Variants in MAP7 observed in about 807,000 individuals in gnomAD.
MAP7 encodes the protein microtubule associated protein 7, also known as ensconsin.
In MAP7, 52 loss-of-function variants were observed where a neutral mutation model predicts 94.8. The observed-to-expected ratio is 0.55, with a 90% CI of 0.44 to 0.69. The LOEUF is 0.69. Ranked by LOEUF, MAP7 falls within the 30% of genes least tolerant of loss-of-function variation. MAP7 has a pLI of 0.00. For missense variants in MAP7, 940 were observed against 964.6 expected (o/e 0.97, Z 0.34); for synonymous variants, 350 against 357.0 (o/e 0.98, Z 0.22).
chr6:136,545,583 G>A (rs926457541), intron 1 of MAP7: 3 of 152,140 alleles, frequency 2.0e-5, no homozygotes, highest in African/African-American at 7.2e-5. Context: ...TGACTTCGAT[G>A]AACAATCATT....
At chr6:136,454,938 C>G (rs1802416511) in intron 1 of MAP7, among the ~76,000 whole-genome samples, 1 of 151,916 alleles carries the variant, frequency 6.6e-6, no homozygotes, top group South Asian at 2.1e-4. Flanking sequence ...ACCTTTCATC[C>G]AAAGGACTAC....
At chr6:136,443,811 A>C (rs1311736548) in intron 1 of MAP7, among the ~76,000 whole-genome samples, 4 of 152,140 alleles carry the variant, frequency 2.6e-5, no homozygotes, top group Non-Finnish European at 5.9e-5. Flanking sequence ...CTTATTGTTA[A>C]GGGGGCTAAA....
chr6:136,407,838 C>G (rs765755873), intron 3 of MAP7, among the ~76,000 whole-genome samples: 8 of 152,108 alleles, frequency 5.3e-5, no homozygotes, highest in Non-Finnish European at 7.3e-5. Context: ...CCTAGGGTCT[C>G]TAGCAGAAGC....
At position 136,343,967 on chromosome 6, in the gene MAP7, G is replaced by A. The variant is rs776829312; in HGVS notation, c.*261C>T. 7 of 256,250 alleles carry A rather than the reference G, an allele frequency of 2.7e-5. No individual in the cohort carries two copies. The highest frequency in any genetic ancestry group is 4.4e-5 in the Non-Finnish European group (6 of 136,086). The allele number at this position is 256,250 out of a possible 1,614,324, so 15.9% of individuals were successfully genotyped here. Reference sequence around the variant, plus strand: ...CTTTTAAAGAATGCAGAAAAATATTGATTGCTAAGAAGGAGCACACTGGAA... The same window carrying A: ...CTTTTAAAGAATGCAGAAAAATATTAATTGCTAAGAAGGAGCACACTGGAA... On this transcript the variant is annotated 3_prime_UTR_variant, in exon 18 of 18. Coordinates refer to ENST00000354570, the MANE Select transcript of MAP7 (RefSeq NM_003980.6).
intron 1 of MAP7, among the ~76,000 whole-genome samples, chr6:136,433,780 G>T (rs1012199538): frequency 1.3e-5 from 2 of 152,132 alleles, no homozygotes; most frequent in Non-Finnish European, 2.9e-5. Context: ...CACCTTCTCT[G>T]GATAGGCAAT....
intron 1 of MAP7, among the ~76,000 whole-genome samples, chr6:136,475,288 T>C (rs764675266): frequency 6.6e-6 from 1 of 152,242 alleles, no homozygotes; most frequent in Non-Finnish European, 1.5e-5. Flanking sequence ...TGAGTTATTA[T>C]CTAAATGTAT....
At chr6:136,396,736 T>C (rs1482350072) in intron 3 of MAP7, among the ~76,000 whole-genome samples, 1 of 152,188 alleles carries the variant, frequency 6.6e-6, no homozygotes, top group Non-Finnish European at 1.5e-5. Flanking sequence ...CTCAGTTTTG[T>C]CAGGTCAAGG....
chr6:136,376,346 A>G (rs1173527397), intron 7 of MAP7, among the ~76,000 whole-genome samples: 1 of 151,562 alleles, frequency 6.6e-6, no homozygotes, highest in Admixed American at 6.6e-5. Flanking sequence ...CGATCTGCCC[A>G]CCTCGGCCTC....
chr6:136,525,077 G>T (rs1827447943), intron 1 of MAP7, among the ~76,000 whole-genome samples: 1 of 152,188 alleles, frequency 6.6e-6, no homozygotes, highest in African/African-American at 2.4e-5. Context: ...ACAGCCCTGG[G>T]AGGGCAGCTG....
chr6:136,524,983 CTT>C (rs1827423874), intron 1 of MAP7, among the ~76,000 whole-genome samples: 1 of 152,168 alleles, frequency 6.6e-6, no homozygotes, highest in South Asian at 2.1e-4. Context: ...GGAAGCAAGA[CTT>C]AGGATGCTGG....
intron 1 of MAP7, among the ~76,000 whole-genome samples, chr6:136,442,558 G>A (rs1023725090): frequency 4.6e-5 from 7 of 152,080 alleles, no homozygotes; most frequent in South Asian, 2.1e-4. Flanking sequence ...ACCCAGACCC[G>A]CTGAGCTGCA....
intron 1 of MAP7, among the ~76,000 whole-genome samples, chr6:136,440,919 A>T (rs1018572552): frequency 1.3e-5 from 2 of 151,718 alleles, no homozygotes; most frequent in East Asian, 1.9e-4. Context: ...ACTGTTTTAC[A>T]CTCCACATAA....
intron 1 of MAP7, among the ~76,000 whole-genome samples, chr6:136,540,069 T>A (rs1025906167): frequency 6.6e-6 from 1 of 152,088 alleles, no homozygotes; most frequent in African/African-American, 2.4e-5. Context: ...AGTTGAATAA[T>A]CCTGCTGAGA....
chr6:136,465,134 A>AC (rs2128923441), intron 1 of MAP7, among the ~76,000 whole-genome samples: 1 of 152,240 alleles, frequency 6.6e-6, no homozygotes, highest in Admixed American at 6.5e-5. Flanking sequence ...CTCCCCCTGC[A>AC]CCTCCACTGA....
At chr6:136,375,594 G>C (rs919245690) in intron 7 of MAP7, among the ~76,000 whole-genome samples, 1 of 152,170 alleles carries the variant, frequency 6.6e-6, no homozygotes, top group Admixed American at 6.5e-5. Flanking sequence ...ATGTGGTTTT[G>C]ACAAGATAAT....
chr6:136,391,930 C>T (rs907986158), intron 3 of MAP7, among the ~76,000 whole-genome samples: 9 of 152,200 alleles, frequency 5.9e-5, no homozygotes, highest in African/African-American at 2.2e-4. Context: ...TAAATTTTGA[C>T]AGTGATAGCT....
At chr6:136,529,583 G>T (rs1828308083) in intron 1 of MAP7, among the ~76,000 whole-genome samples, 1 of 152,172 alleles carries the variant, frequency 6.6e-6, no homozygotes, top group Admixed American at 6.5e-5. Context: ...TCTTTAAATT[G>T]TTAAAGTGAT....
chr6:136,350,406 G>A (rs1054580699), intron 16 of MAP7, among the ~76,000 whole-genome samples: 1 of 152,240 alleles, frequency 6.6e-6, no homozygotes, highest in Non-Finnish European at 1.5e-5. Flanking sequence ...GAAACTAGGA[G>A]TGAAAGGAAA....
intron 1 of MAP7, among the ~76,000 whole-genome samples, chr6:136,473,890 C>G (rs12191377): frequency 1.3e-5 from 2 of 151,858 alleles, no homozygotes; most frequent in African/African-American, 2.4e-5. Context: ...TTCTTCAAGA[C>G]GCTTACATCC....
Sources: gnomAD v4.1 joint callset for allele counts (sites outside exome capture counted in the v4.1 genomes callset) on GRCh38, gnomAD v4.1.1 for gene constraint, MANE v1.5 for transcripts, NCBI Gene and HGNC (gene_info 2026-07-23, HGNC 2026-07-21) for gene names.